The following DNAJC1 variants were observed in gnomAD, a reference collection of about 807,000 sequenced individuals.
DNAJC1 encodes DnaJ heat shock protein family (Hsp40) member C1, also known as dnaJ homolog subfamily C member 1.
Under a neutral mutation model 76.6 loss-of-function variants are expected in DNAJC1, and 58 were observed. The observed-to-expected ratio is 0.76, with a 90% CI of 0.61 to 0.94. The LOEUF is 0.94. DNAJC1 is among the 40% of genes least tolerant of loss of function. DNAJC1 has a pLI of 0.00. For missense variants in DNAJC1, 689 were observed against 677.3 expected (o/e 1.02, Z -0.19); for synonymous variants, 258 against 267.9 (o/e 0.96, Z 0.36).
chr10:21,784,180 C>T (rs939413571), intron 9 of DNAJC1, among the ~76,000 whole-genome samples: 1 of 152,080 alleles, frequency 6.6e-6, no homozygotes, highest in African/African-American at 2.4e-5. Flanking sequence ...CTAGAATCTA[C>T]AAAGAACTTA....
rs775503833 is a variant in DNAJC1, at chr10:21,904,624, AAGTTATACATAAATTAAC to A, written c.730-30_730-13del. ...AACTGCCCAGCATCCTTAAGAAAAA[AAGTTATACATAAATTAAC>A]ATAAAAATCAGTGTGCTTCAATAAT... On this transcript the variant is annotated splice_polypyrimidine_tract_variant and intron_variant, in intron 6 of 11. Transcript: ENST00000376980. 2.0e-6 allele frequency: 3 copies of A among 1,514,184 alleles called. No individual in the cohort carries two copies. Among genetic ancestry groups the A allele is most frequent in the Non-Finnish European group, 2.7e-6 (3 of 1,102,760 alleles). 93.8% of individuals were successfully genotyped at this position (1,514,184 alleles called of 1,614,324 possible).
intron 9 of DNAJC1, among the ~76,000 whole-genome samples, chr10:21,802,467 G>A (rs753570915): frequency 1.6e-4 from 25 of 152,088 alleles, no homozygotes; most frequent in Non-Finnish European, 2.8e-4. Flanking sequence ...GAATCTCCTT[G>A]CAGTTGAGCT....
Position 21,985,248 on chromosome 10 carries a change from CTT to C in DNAJC1, c.222+17963_222+17964del, listed in dbSNP as rs1190568148. On this transcript the variant is annotated intron_variant, in intron 1 of 11. Transcript: ENST00000376980. ...CATCCCCAGACAAACCACTACCCTG[CTT>C]TTTTTTTTTTTTTTTTTGAAATGGA... Among the ~76,000 whole-genome samples, 1,068 of 136,052 alleles carry C rather than the reference CTT, an allele frequency of 7.8e-3. 10 individuals are homozygous for C. The highest frequency in any genetic ancestry group is 0.027 in the African/African-American group (1,005 of 36,860). 89.3% of individuals were successfully genotyped at this position (136,052 alleles called of 152,430 possible). A position where few individuals can be genotyped will look rare whatever the true frequency, so the allele number is the denominator to read the frequency against.
chr10:21,823,987 C>T lies in DNAJC1; in HGVS notation c.979-17888G>A, dbSNP rs376721938. Among the ~76,000 whole-genome samples, 5 of 152,188 alleles carry T rather than the reference C, an allele frequency of 3.3e-5. No individual in the cohort carries two copies. The East Asian group carries it at 5.8e-4, about 18-fold the overall frequency. On this transcript the variant is annotated intron_variant, in intron 8 of 11. Transcript: ENST00000376980. The stretch of plus-strand genomic sequence containing the variant: ...AAACTAGATACAATAAATGTATCAA[C>T]AGGTAAAAACATATGGACAAATTCC...
chr10:21,867,525 G>A (rs557443619), intron 8 of DNAJC1, among the ~76,000 whole-genome samples: 3 of 152,144 alleles, frequency 2.0e-5, no homozygotes, highest in South Asian at 2.1e-4. Context: ...AGGTGATCGC[G>A]GGAGAATAGA....
intron 1 of DNAJC1, among the ~76,000 whole-genome samples, chr10:21,944,553 G>GT (rs1363262564): frequency 6.6e-6 from 1 of 152,078 alleles, no homozygotes; most frequent in Non-Finnish European, 1.5e-5. Flanking sequence ...CTTCCTAATT[G>GT]TATCAATCAC....
At chr10:21,998,674 C>A (rs1838462021) in intron 1 of DNAJC1, among the ~76,000 whole-genome samples, 1 of 152,006 alleles carries the variant, frequency 6.6e-6, no homozygotes, top group African/African-American at 2.4e-5. Context: ...GTATATACCC[C>A]CCAACAAAGA....
At chr10:21,757,574 G>T (rs1319116948) in intron 11 of DNAJC1, among the ~76,000 whole-genome samples, 1 of 152,208 alleles carries the variant, frequency 6.6e-6, no homozygotes, top group Non-Finnish European at 1.5e-5. Flanking sequence ...TCTCTTCTCA[G>T]GGTTTTTTTT....
intron 9 of DNAJC1, among the ~76,000 whole-genome samples, chr10:21,799,815 G>A (rs1834793853): frequency 6.6e-6 from 1 of 152,012 alleles, no homozygotes; most frequent in Non-Finnish European, 1.5e-5. Context: ...AAGGGTACGA[G>A]TTCTCACCCC....
At chr10:21,948,091 CTTTTT>C (rs781055896) in intron 1 of DNAJC1, among the ~76,000 whole-genome samples, 1 of 134,834 alleles carries the variant, frequency 7.4e-6, no homozygotes. Context: ...TCCTTGCAGT[CTTTTT>C]TTTTTTTTTT....
intron 9 of DNAJC1, among the ~76,000 whole-genome samples, chr10:21,797,548 A>G (rs1737029680): frequency 6.6e-6 from 1 of 152,168 alleles, no homozygotes; most frequent in African/African-American, 2.4e-5. Flanking sequence ...GTGTCTTCCA[A>G]AGTTCATTTG....
chr10:21,827,174 A>C (rs1835274201), intron 8 of DNAJC1, among the ~76,000 whole-genome samples: 1 of 152,180 alleles, frequency 6.6e-6, no homozygotes, highest in Non-Finnish European at 1.5e-5. Flanking sequence ...TCTATGATGA[A>C]GTAACTTCAA....
chr10:21,771,063 TATGA>T (rs1428482684), intron 9 of DNAJC1, among the ~76,000 whole-genome samples: 4 of 152,202 alleles, frequency 2.6e-5, no homozygotes, highest in Non-Finnish European at 4.4e-5. Flanking sequence ...TTGATGCAAT[TATGA>T]ATGTCATTAA....
At chr10:21,970,234 C>G (rs755851047) in intron 1 of DNAJC1, among the ~76,000 whole-genome samples, 1 of 151,980 alleles carries the variant, frequency 6.6e-6, no homozygotes, top group Non-Finnish European at 1.5e-5. Context: ...GGAACGAACA[C>G]TATACATTTG....
chr10:21,771,198 T>C (rs1385919980), intron 9 of DNAJC1, among the ~76,000 whole-genome samples: 4 of 152,200 alleles, frequency 2.6e-5, no homozygotes, highest in African/African-American at 4.8e-5. Flanking sequence ...TTTTAGTGCA[T>C]TTCTCAAGAT....
intron 8 of DNAJC1, among the ~76,000 whole-genome samples, chr10:21,858,540 C>A (rs1342765949): frequency 1.3e-5 from 2 of 152,208 alleles, no homozygotes; most frequent in Admixed American, 1.3e-4. Flanking sequence ...TATAGAAGAT[C>A]TGTGTTTTCA....
chr10:21,918,379 T>G (rs1357045662), intron 6 of DNAJC1, among the ~76,000 whole-genome samples: 6 of 150,854 alleles, frequency 4.0e-5, no homozygotes, highest in Non-Finnish European at 8.9e-5. Context: ...TGTAAAGTTT[T>G]TTTTTTTTTT....
chr10:21,996,660 G>A (rs1279306245), intron 1 of DNAJC1, among the ~76,000 whole-genome samples: 1 of 152,064 alleles, frequency 6.6e-6, no homozygotes, highest in Non-Finnish European at 1.5e-5. Context: ...CATAATTAGT[G>A]TAAAGAAAAA....
chr10:21,786,146 G>T (rs1397098820), intron 9 of DNAJC1, among the ~76,000 whole-genome samples: 1 of 151,900 alleles, frequency 6.6e-6, no homozygotes, highest in African/African-American at 2.4e-5. Context: ...CACATAATGG[G>T]AAGATTTTTA....
Sources: gnomAD v4.1 joint callset for allele counts (sites outside exome capture counted in the v4.1 genomes callset) on GRCh38, gnomAD v4.1.1 for gene constraint, MANE v1.5 for transcripts, NCBI Gene and HGNC (gene_info 2026-07-23, HGNC 2026-07-21) for gene names.